MARCHF1: variants seen among roughly 807,000 people sequenced by gnomAD.
MARCHF1 encodes the protein E3 ubiquitin-protein ligase MARCHF1.
A neutral mutation model predicts 54.2 loss-of-function variants in MARCHF1; 40 were observed. The ratio of observed to expected loss-of-function variants is 0.74; its 90% confidence interval spans 0.57 to 0.96. The LOEUF (loss-of-function observed/expected upper bound fraction) is 0.96, where lower values mean the gene tolerates loss of function less well. MARCHF1 is among the 40% of genes least tolerant of loss of function. MARCHF1 has a pLI of 0.00. For missense variants in MARCHF1, 586 were observed against 656.5 expected, an observed-to-expected ratio of 0.89 and a Z score of 1.17; for synonymous variants, 236 against 236.3, an observed-to-expected ratio of 1.00 and a Z score of 0.01.
intron 5 of MARCHF1, among the ~76,000 whole-genome samples, chr4:163,669,368 G>C (rs1743649168): frequency 6.6e-6 from 1 of 152,088 alleles, no homozygotes; most frequent in African/African-American, 2.4e-5. Context: ...TCTATTCTAG[G>C]TATTGAAATA....
chr4:163,721,542 A>C (rs1468760574), intron 4 of MARCHF1, among the ~76,000 whole-genome samples: 1 of 152,182 alleles, frequency 6.6e-6, no homozygotes, highest in Non-Finnish European at 1.5e-5. Flanking sequence ...TGCTGGCCTC[A>C]TAAAATGAGT....
At chr4:163,890,386 TTTC>T (rs1750635667) in intron 3 of MARCHF1, among the ~76,000 whole-genome samples, 1 of 152,182 alleles carries the variant, frequency 6.6e-6, no homozygotes, top group Non-Finnish European at 1.5e-5. Flanking sequence ...CTCTCTGTTT[TTTC>T]TTCTTGTTTG....
intron 1 of MARCHF1, among the ~76,000 whole-genome samples, chr4:164,159,229 A>G (rs1204845287): frequency 6.6e-6 from 1 of 152,146 alleles, no homozygotes; most frequent in Non-Finnish European, 1.5e-5. Context: ...CTAACTTGAA[A>G]CTGTTGGGCA....
chr4:163,767,527 G>T (rs1747020164), intron 4 of MARCHF1, among the ~76,000 whole-genome samples: 1 of 151,910 alleles, frequency 6.6e-6, no homozygotes, highest in Non-Finnish European at 1.5e-5. Context: ...GTAGAGACGG[G>T]GTTTCACTGT....
rs2110906434 is a variant in MARCHF1, at chr4:164,356,299, A to C, written c.-323+27571T>G. 2.3e-5 allele frequency among the ~76,000 whole-genome samples: 3 copies of C among 131,588 alleles called. 1 individual carries two copies. In the South Asian group the frequency reaches 7.2e-4, roughly 32 times the overall value. 86.3% of individuals were successfully genotyped at this position (131,588 alleles called of 152,430 possible). The stretch of plus-strand genomic sequence containing the variant: ...CCAAATGACTATAAATCATGCTGCT[A>C]TAAAGACACATGAACAGGTATGTTT... On this transcript the variant is annotated intron_variant, in intron 1 of 9. Transcript: ENST00000514618.
At chr4:164,321,885 C>T (rs1735150920) in intron 1 of MARCHF1, among the ~76,000 whole-genome samples, 1 of 152,010 alleles carries the variant, frequency 6.6e-6, no homozygotes, top group Admixed American at 6.6e-5. Context: ...TTAATACCTA[C>T]TGTGGATTCT....
chr4:164,050,408 CA>C lies in MARCHF1; in HGVS notation c.-248+61179del, dbSNP rs373788727. Among the ~76,000 whole-genome samples the C allele has an allele frequency of 7.0e-3, 1,057 of 150,288 alleles. 14 individuals are homozygous for C. Among genetic ancestry groups the C allele is most frequent in the African/African-American group, 0.025 (1,006 of 41,054 alleles). On this transcript the variant is annotated intron_variant, in intron 2 of 9. Transcript: ENST00000514618. ...TATCAAAGACCTCAGATATTTCATT[CA>C]CCCTTCTTTCAGTCTTTCACCAGAT...
At chr4:164,241,121 C>T (rs1041989251) in intron 1 of MARCHF1, among the ~76,000 whole-genome samples, 1 of 152,130 alleles carries the variant, frequency 6.6e-6, no homozygotes, top group South Asian at 2.1e-4. Flanking sequence ...ACCCATGAAT[C>T]GTACCAAGGA....
At chr4:163,966,591 T>A (rs913759894) in intron 3 of MARCHF1, among the ~76,000 whole-genome samples, 2 of 152,154 alleles carry the variant, frequency 1.3e-5, no homozygotes, top group Admixed American at 6.5e-5. Flanking sequence ...GGAGGCAATA[T>A]ATAACTGAAT....
At chr4:164,245,798 C>T (rs1408068694) in intron 1 of MARCHF1, among the ~76,000 whole-genome samples, 3 of 111,896 alleles carry the variant, frequency 2.7e-5, no homozygotes, top group African/African-American at 1.0e-4. Context: ...CATTCTTATA[C>T]ACCAACAACA....
chr4:164,007,617 A>G (rs1753322306), intron 2 of MARCHF1, among the ~76,000 whole-genome samples: 2 of 150,372 alleles, frequency 1.3e-5, no homozygotes, highest in South Asian at 4.2e-4. Flanking sequence ...TAAAGTTAAC[A>G]TGTAGAATTT....
chr4:163,792,083 T>A (rs1747787574), intron 4 of MARCHF1, among the ~76,000 whole-genome samples: 1 of 152,208 alleles, frequency 6.6e-6, no homozygotes, highest in African/African-American at 2.4e-5. Context: ...ACTTGCAGCT[T>A]CATAAATATA....
At chr4:164,021,980 A>G (rs1443953979) in intron 2 of MARCHF1, among the ~76,000 whole-genome samples, 1 of 152,116 alleles carries the variant, frequency 6.6e-6, no homozygotes, top group African/African-American at 2.4e-5. Context: ...ACATTTGTTG[A>G]AAAAATATTT....
chr4:163,553,486 CA>C (rs1280615356), intron 8 of MARCHF1, among the ~76,000 whole-genome samples: 1 of 152,120 alleles, frequency 6.6e-6, no homozygotes, highest in Non-Finnish European at 1.5e-5. Flanking sequence ...CAGGAAAATA[CA>C]ATCTATTTTT....
intron 1 of MARCHF1, among the ~76,000 whole-genome samples, chr4:164,292,432 C>T (rs1734305417): frequency 6.6e-6 from 1 of 152,042 alleles, no homozygotes; most frequent in South Asian, 2.1e-4. Context: ...GCTTCTCATA[C>T]CTATACTGCA....
chr4:163,856,476 G>A (rs13113291), intron 3 of MARCHF1, among the ~76,000 whole-genome samples: 122 of 152,272 alleles, frequency 8.0e-4, no homozygotes, highest in Middle Eastern at 3.4e-3. Context: ...ACAGTTAAGC[G>A]TGTGAAATGA....
intron 2 of MARCHF1, among the ~76,000 whole-genome samples, chr4:164,091,195 T>A (rs888184238): frequency 4.6e-5 from 7 of 152,034 alleles, no homozygotes; most frequent in African/African-American, 1.7e-4. Flanking sequence ...ATCCTGTGGA[T>A]TAAAAATTAA....
intron 4 of MARCHF1, among the ~76,000 whole-genome samples, chr4:163,749,142 A>G (rs990298562): frequency 6.6e-6 from 1 of 151,774 alleles, no homozygotes; most frequent in Non-Finnish European, 1.5e-5. Context: ...CTTATTCCTG[A>G]GAATTTTATA....
Position 163,525,150 on chromosome 4 carries a change from A to G in MARCHF1, c.*3598T>C, listed in dbSNP as rs1449149711. On this transcript the variant is annotated 3_prime_UTR_variant, in exon 10 of 10. Coordinates refer to ENST00000514618, the MANE Select transcript of MARCHF1 (RefSeq NM_001394959.1). ...GTTCTATAATATTCATTTTCAAGGC[A>G]AGGAAGGGTAAACTATATGGGGCAG... 6.6e-6 allele frequency: 1 copy of G among 152,164 alleles called. No homozygotes were observed. The highest frequency in any genetic ancestry group is 2.4e-5 in the African/African-American group (1 of 41,430). 9.4% of individuals were successfully genotyped at this position (152,164 alleles called of 1,614,324 possible). A position where few individuals can be genotyped will look rare whatever the true frequency, so the allele number is the denominator to read the frequency against.
Sources: allele counts gnomAD v4.1 joint callset (sites outside exome capture counted in the v4.1 genomes callset), GRCh38; gene constraint gnomAD v4.1.1; transcripts MANE v1.5; gene names NCBI Gene and HGNC (gene_info 2026-07-23, HGNC 2026-07-21).